The following UNC5D variants were observed in gnomAD, a reference collection of about 807,000 sequenced individuals.
UNC5D encodes the protein unc-5 netrin receptor D, also known as netrin receptor UNC5D.
In UNC5D, 39 loss-of-function variants were observed where a neutral mutation model predicts 105.4. The observed-to-expected ratio is 0.37, with a 90% CI of 0.29 to 0.48. The LOEUF (loss-of-function observed/expected upper bound fraction) is 0.48, where lower values mean the gene tolerates loss of function less well. Among genes scored for constraint, UNC5D ranks in the 20% least tolerant of loss-of-function variants. UNC5D has a pLI of 0.98. For synonymous variants in UNC5D, 452 were observed against 450.4 expected (o/e 1.00, Z -0.04); for missense variants, 991 against 1,202.4 (o/e 0.82, Z 2.60).
intron 1 of UNC5D, among the ~76,000 whole-genome samples, chr8:35,376,337 G>A (rs1488027651): frequency 6.6e-6 from 1 of 152,122 alleles, no homozygotes; most frequent in Non-Finnish European, 1.5e-5. Flanking sequence ...CTGACCACAG[G>A]CCAGAGAGAA....
intron 14 of UNC5D, among the ~76,000 whole-genome samples, chr8:35,760,040 CTTTTTTT>C (rs796124727): frequency 2.3e-5 from 3 of 132,948 alleles, no homozygotes; most frequent in African/African-American, 5.5e-5. Context: ...TTTACTTTTT[CTTTTTTT>C]TTTTTTTTTT....
intron 1 of UNC5D, among the ~76,000 whole-genome samples, chr8:35,487,850 C>T (rs1011139831): frequency 6.6e-6 from 1 of 152,054 alleles, no homozygotes; most frequent in South Asian, 2.1e-4. Flanking sequence ...TCATAGTGGA[C>T]GTGGGAGGAC....
At chr8:35,305,710 A>T (rs1344307539) in intron 1 of UNC5D, among the ~76,000 whole-genome samples, 410 of 75,136 alleles carry the variant, frequency 5.5e-3, no homozygotes, top group Middle Eastern at 0.014. Flanking sequence ...TCCCTGCCTG[A>T]CTCCCTCTCT....
intron 1 of UNC5D, among the ~76,000 whole-genome samples, chr8:35,432,711 C>T (rs1230595189): frequency 2.0e-5 from 3 of 152,114 alleles, no homozygotes; most frequent in African/African-American, 7.2e-5. Context: ...ACCATCTTAT[C>T]TTACTTGCAC....
At chr8:35,614,261 A>G (rs1820872858) in intron 4 of UNC5D, among the ~76,000 whole-genome samples, 1 of 152,178 alleles carries the variant, frequency 6.6e-6, no homozygotes, top group South Asian at 2.1e-4. Flanking sequence ...ATGACATTGG[A>G]CTGTTTAATA....
chr8:35,413,847 A>G (rs749003018), intron 1 of UNC5D, among the ~76,000 whole-genome samples: 2 of 152,140 alleles, frequency 1.3e-5, no homozygotes, highest in Admixed American at 6.6e-5. Context: ...TAGTTTTTCT[A>G]GTAGGATAAG....
At chr8:35,431,995 A>G (rs1227282556) in intron 1 of UNC5D, among the ~76,000 whole-genome samples, 1 of 152,180 alleles carries the variant, frequency 6.6e-6, no homozygotes, top group Non-Finnish European at 1.5e-5. Context: ...TTATGACATA[A>G]TCCTTAAAAG....
rs546390423 is a variant in UNC5D, at chr8:35,301,491, T to C, written c.103+65604T>C. Reference sequence around the variant, plus strand: ...TCCAGTAACCTGAGTAGCAAGCTATTACAAGCTGAACGTGGAAGCAAGGTA... The same window carrying C: ...TCCAGTAACCTGAGTAGCAAGCTATCACAAGCTGAACGTGGAAGCAAGGTA... On this transcript the variant is annotated intron_variant, in intron 1 of 16. Coordinates refer to ENST00000404895, the MANE Select transcript of UNC5D (RefSeq NM_080872.4). Among the ~76,000 whole-genome samples the C allele has an allele frequency of 3.4e-3, 515 of 152,258 alleles. 5 individuals carry two copies. Among genetic ancestry groups the C allele is most frequent in the African/African-American group, 0.012 (500 of 41,558 alleles).
At chr8:35,377,670 A>G (rs1001412305) in intron 1 of UNC5D, among the ~76,000 whole-genome samples, 24 of 152,122 alleles carry the variant, frequency 1.6e-4, no homozygotes, top group African/African-American at 4.8e-4. Context: ...AGGTGACAAT[A>G]TATATCAGAG....
At chr8:35,554,106 T>A (rs1483361071) in intron 2 of UNC5D, among the ~76,000 whole-genome samples, 1 of 152,032 alleles carries the variant, frequency 6.6e-6, no homozygotes, top group Non-Finnish European at 1.5e-5. Context: ...GACCTGGGAG[T>A]GTTTGGAGTA....
chr8:35,286,035 G>T (rs374977222), intron 1 of UNC5D, among the ~76,000 whole-genome samples: 13 of 152,182 alleles, frequency 8.5e-5, no homozygotes, highest in African/African-American at 2.9e-4. Context: ...AGGCCCCAAA[G>T]TTTTATATAA....
intron 14 of UNC5D, 83 bp downstream of exon 14, chr8:35,759,552 A>G: frequency 6.7e-7 from 1 of 1,482,862 alleles, no homozygotes; most frequent in Middle Eastern, 1.8e-4. Flanking sequence ...GGTCTGCTTG[A>G]TTTTCCTCCT....
intron 3 of UNC5D, among the ~76,000 whole-genome samples, chr8:35,571,012 A>AAT (rs1226402106): frequency 4.0e-5 from 6 of 151,792 alleles, no homozygotes; most frequent in African/African-American, 9.7e-5. Flanking sequence ...ATGGACTTAA[A>AAT]ATATATATAT....
intron 4 of UNC5D, among the ~76,000 whole-genome samples, chr8:35,648,193 C>T (rs896697048): frequency 6.6e-6 from 1 of 152,072 alleles, no homozygotes; most frequent in Non-Finnish European, 1.5e-5. Flanking sequence ...TTCTATAAAA[C>T]GTGGTCTTGT....
intron 1 of UNC5D, chr8:35,525,520 G>A: frequency 1.9e-6 from 3 of 1,612,332 alleles, no homozygotes; most frequent in Admixed American, 1.7e-5. Flanking sequence ...CTAACATTGA[G>A]TGAAGCTAGG....
chr8:35,471,869 T>C (rs978426813), intron 1 of UNC5D, among the ~76,000 whole-genome samples: 3 of 152,222 alleles, frequency 2.0e-5, no homozygotes, highest in African/African-American at 7.2e-5. Context: ...GCCATTACAC[T>C]GAGATATATT....
chr8:35,385,734 G>T (rs1803352683), intron 1 of UNC5D, among the ~76,000 whole-genome samples: 1 of 151,836 alleles, frequency 6.6e-6, no homozygotes, highest in Admixed American at 6.6e-5. Flanking sequence ...CACAGTGCTG[G>T]GATTACAGGC....
chr8:35,242,639 G>C (rs1477456421), intron 1 of UNC5D, among the ~76,000 whole-genome samples: 2 of 152,020 alleles, frequency 1.3e-5, no homozygotes, highest in Non-Finnish European at 2.9e-5. Flanking sequence ...CATTGTGCCT[G>C]GCTAATGTTT....
At chr8:35,255,801 C>A (rs1483060485) in intron 1 of UNC5D, 2 of 152,122 alleles carry the variant, frequency 1.3e-5, no homozygotes, top group Admixed American at 6.6e-5. Flanking sequence ...TAGAAATAAA[C>A]AATTACATGG....
Sources: allele counts gnomAD v4.1 joint callset (sites outside exome capture counted in the v4.1 genomes callset), GRCh38; gene constraint gnomAD v4.1.1; transcripts MANE v1.5; gene names NCBI Gene and HGNC (gene_info 2026-07-23, HGNC 2026-07-21).